GRIA1: variants seen among roughly 807,000 people sequenced by gnomAD.
GRIA1 encodes the protein glutamate receptor 1.
GRIA1 carries 31 observed loss-of-function variants against 99.2 expected under a neutral mutation model. The observed-to-expected ratio is 0.31, with a 90% CI of 0.23 to 0.42. The LOEUF (loss-of-function observed/expected upper bound fraction) is 0.42. GRIA1 is among the 10% of genes least tolerant of loss of function. GRIA1 has a pLI of 1.00. For missense variants in GRIA1, 782 were observed against 1,157.5 expected (o/e 0.68, Z 4.71); for synonymous variants, 438 against 432.4 (o/e 1.01, Z -0.16).
intron 2 of GRIA1, among the ~76,000 whole-genome samples, chr5:153,495,162 C>T (rs1754290222): frequency 6.6e-6 from 1 of 152,170 alleles, no homozygotes; most frequent in South Asian, 2.1e-4. Context: ...ATAATTATAG[C>T]AGATTTCATT....
intron 11 of GRIA1, among the ~76,000 whole-genome samples, chr5:153,724,105 C>A (rs190144944): frequency 4.8e-4 from 73 of 152,328 alleles, no homozygotes; most frequent in African/African-American, 1.7e-3. Flanking sequence ...CGCGGTTCTG[C>A]AGCCACCGCT....
intron 2 of GRIA1, among the ~76,000 whole-genome samples, chr5:153,571,113 A>G (rs1422807816): frequency 1.3e-5 from 2 of 152,210 alleles, no homozygotes; most frequent in East Asian, 3.9e-4. Context: ...GCTGTCCTGC[A>G]CAATGGAGGA....
At chr5:153,776,368 A>G (rs1764254344) in intron 13 of GRIA1, among the ~76,000 whole-genome samples, 1 of 152,174 alleles carries the variant, frequency 6.6e-6, no homozygotes, top group Admixed American at 6.5e-5. Context: ...ACTGGGTACA[A>G]ACTGATTTTG....
At chr5:153,649,975 A>G (rs1424547162) in intron 3 of GRIA1, among the ~76,000 whole-genome samples, 3 of 152,244 alleles carry the variant, frequency 2.0e-5, no homozygotes, top group Non-Finnish European at 4.4e-5. Flanking sequence ...CTATGTATCA[A>G]ACATTCTCAC....
intron 13 of GRIA1, among the ~76,000 whole-genome samples, chr5:153,792,181 T>C (rs1001341028): frequency 6.6e-5 from 10 of 152,172 alleles, no homozygotes; most frequent in Non-Finnish European, 1.5e-4. Context: ...TTTTAGACAG[T>C]CCCTTGTTGG....
At position 153,594,344 on chromosome 5, in the gene GRIA1, A is replaced by G. The variant is rs200471871; in HGVS notation, c.221-52584A>G. Among the ~76,000 whole-genome samples the G allele has an allele frequency of 2.6e-5, 4 of 152,138 alleles. No individual in the cohort carries two copies. In the East Asian group the frequency reaches 5.8e-4, roughly 22 times the overall value. On this transcript the variant is annotated intron_variant, in intron 2 of 15. Transcript: ENST00000285900. Reference sequence around the variant, plus strand: ...TTTCTGCTCTTTCATTTGCAGTTCCATATGTTAGGCTTCCAAGATTCTATT... The same window carrying G: ...TTTCTGCTCTTTCATTTGCAGTTCCGTATGTTAGGCTTCCAAGATTCTATT...
chr5:153,510,276 A>C (rs1755933391), intron 2 of GRIA1, among the ~76,000 whole-genome samples: 1 of 152,196 alleles, frequency 6.6e-6, no homozygotes, highest in Non-Finnish European at 1.5e-5. Flanking sequence ...CTGCTCTGGG[A>C]AAGTGAATTT....
At chr5:153,506,966 A>T (rs1330016500) in intron 2 of GRIA1, among the ~76,000 whole-genome samples, 1 of 152,066 alleles carries the variant, frequency 6.6e-6, no homozygotes, top group Non-Finnish European at 1.5e-5. Flanking sequence ...CTACTAAAAA[A>T]TACAAAAAAT....
At chr5:153,752,623 T>C (rs1326155502) in intron 11 of GRIA1, among the ~76,000 whole-genome samples, 3 of 152,168 alleles carry the variant, frequency 2.0e-5, no homozygotes, top group African/African-American at 4.8e-5. Flanking sequence ...TGTGAGCCCA[T>C]GGAAGGGAGA....
intron 2 of GRIA1, among the ~76,000 whole-genome samples, chr5:153,585,190 TG>T (rs1246657593): frequency 6.6e-6 from 1 of 152,056 alleles, no homozygotes; most frequent in Admixed American, 6.5e-5. Context: ...GCAGGTGCCT[TG>T]GCACCAAAGC....
intron 2 of GRIA1, among the ~76,000 whole-genome samples, chr5:153,575,892 G>C (rs1419688282): frequency 6.6e-6 from 1 of 152,198 alleles, no homozygotes; most frequent in Non-Finnish European, 1.5e-5. Flanking sequence ...TGCTTTGTGT[G>C]ACCTTGTATA....
intron 2 of GRIA1, among the ~76,000 whole-genome samples, chr5:153,520,167 C>T (rs1041275180): frequency 1.3e-5 from 2 of 152,234 alleles, no homozygotes; most frequent in African/African-American, 2.4e-5. Flanking sequence ...TCTCCTTCAG[C>T]AAGCAGCGTT....
At chr5:153,546,347 T>C (rs1175350064) in intron 2 of GRIA1, among the ~76,000 whole-genome samples, 1 of 152,232 alleles carries the variant, frequency 6.6e-6, no homozygotes, top group Non-Finnish European at 1.5e-5. Flanking sequence ...ACACAGATTA[T>C]GCACCTGGAG....
At chr5:153,708,451 C>T (rs1248610002) in intron 11 of GRIA1, among the ~76,000 whole-genome samples, 3 of 152,138 alleles carry the variant, frequency 2.0e-5, no homozygotes, top group Admixed American at 6.5e-5. Context: ...GACTGAACAA[C>T]ATATCCAGCC....
chr5:153,679,285 T>TAAAC (rs1383351579), intron 7 of GRIA1, among the ~76,000 whole-genome samples: 10 of 150,416 alleles, frequency 6.6e-5, no homozygotes, highest in Non-Finnish European at 1.0e-4. Flanking sequence ...AATAAATAAA[T>TAAAC]AAATAAACAA....
chr5:153,690,333 G>A (rs905346117), intron 8 of GRIA1, among the ~76,000 whole-genome samples: 1 of 152,154 alleles, frequency 6.6e-6, no homozygotes, highest in East Asian at 1.9e-4. Flanking sequence ...CTAAGAGCTT[G>A]GGCTTTAGAG....
chr5:153,781,418 T>C (rs1407510075), intron 13 of GRIA1, among the ~76,000 whole-genome samples: 2 of 152,006 alleles, frequency 1.3e-5, no homozygotes, highest in Non-Finnish European at 2.9e-5. Flanking sequence ...AAACACAACT[T>C]TCCCCCACTC....
At chr5:153,793,522 G>A (rs1765446145) in intron 13 of GRIA1, among the ~76,000 whole-genome samples, 1 of 152,202 alleles carries the variant, frequency 6.6e-6, no homozygotes, top group Admixed American at 6.5e-5. Context: ...TCAACTCCTT[G>A]TCTAAAGAAC....
intron 11 of GRIA1, among the ~76,000 whole-genome samples, chr5:153,751,886 C>G (rs1455799283): frequency 6.6e-6 from 1 of 152,146 alleles, no homozygotes; most frequent in African/African-American, 2.4e-5. Flanking sequence ...ACTCCCAGAC[C>G]ATGTCCGAAT....
Sources: gnomAD v4.1 joint callset for allele counts (sites outside exome capture counted in the v4.1 genomes callset) on GRCh38, gnomAD v4.1.1 for gene constraint, MANE v1.5 for transcripts, NCBI Gene and HGNC (gene_info 2026-07-23, HGNC 2026-07-21) for gene names.